The following IL1RAPL2 variants were observed in gnomAD, a reference collection of about 807,000 sequenced individuals.
IL1RAPL2 encodes the protein X-linked interleukin-1 receptor accessory protein-like 2.
In IL1RAPL2, 3 loss-of-function variants were observed where a neutral mutation model predicts 44.1. The observed-to-expected ratio is 0.07, with a 90% confidence interval of 0.03 to 0.18. IL1RAPL2 has a LOEUF of 0.18. Among genes scored for constraint, IL1RAPL2 ranks in the 10% least tolerant of loss-of-function variants. The pLI is 1.00. For synonymous variants in IL1RAPL2, 181 were observed against 178.8 expected (o/e 1.01, Z -0.10); for missense variants, 391 against 496.4 (o/e 0.79, Z 2.02).
intron 5 of IL1RAPL2, among the ~76,000 whole-genome samples, chrX:105,377,947 A>C (rs764133760): frequency 8.9e-6 from 1 of 111,911 alleles, no homozygotes; most frequent in Non-Finnish European, 1.9e-5. Context: ...AATGACTATA[A>C]AAAGTAAGCA....
chrX:105,705,348 TG>T (rs1422275839), intron 6 of IL1RAPL2, among the ~76,000 whole-genome samples: 1 of 111,609 alleles, frequency 9.0e-6, no homozygotes, highest in Non-Finnish European at 1.9e-5. Context: ...AGGAATTTGT[TG>T]TACAGTTTGT....
intron 5 of IL1RAPL2, among the ~76,000 whole-genome samples, chrX:105,308,076 A>C (rs766289311): frequency 9.0e-6 from 1 of 110,900 alleles, no homozygotes; most frequent in Admixed American, 9.7e-5. Context: ...GAACAGGGTG[A>C]AATTTATCTG....
intron 2 of IL1RAPL2, among the ~76,000 whole-genome samples, chrX:104,987,189 G>A (rs1231053461): frequency 9.0e-6 from 1 of 111,397 alleles, no homozygotes; most frequent in African/African-American, 3.3e-5. Flanking sequence ...GTCTCAGCCT[G>A]TGTGCAAATA....
intron 5 of IL1RAPL2, among the ~76,000 whole-genome samples, chrX:105,353,800 T>C (rs2035177668): frequency 8.9e-6 from 1 of 111,788 alleles, no homozygotes; most frequent in Non-Finnish European, 1.9e-5. Context: ...GAGACTTTAC[T>C]GAAGTTGCCT....
At chrX:105,319,944 GTTA>G (rs2034884855) in intron 5 of IL1RAPL2, among the ~76,000 whole-genome samples, 2 of 111,295 alleles carry the variant, frequency 1.8e-5, no homozygotes, top group African/African-American at 6.5e-5. Flanking sequence ...TGACTTACGA[GTTA>G]TTTTCTCAAA....
chrX:105,293,215 A>G (rs1420412849), intron 5 of IL1RAPL2, among the ~76,000 whole-genome samples: 6 of 110,309 alleles, frequency 5.4e-5, no homozygotes, highest in Admixed American at 2.9e-4. Flanking sequence ...TATTTTCTCT[A>G]TCATTCTATT....
chrX:105,587,121 C>A (rs772957471), intron 6 of IL1RAPL2, among the ~76,000 whole-genome samples: 1 of 111,883 alleles, frequency 8.9e-6, no homozygotes, highest in African/African-American at 3.2e-5. Flanking sequence ...GTATTTAAGG[C>A]AGGAAGTTAA....
intron 1 of IL1RAPL2, among the ~76,000 whole-genome samples, chrX:104,611,270 C>T (rs1006981622): frequency 9.0e-6 from 1 of 111,263 alleles, no homozygotes; most frequent in African/African-American, 3.3e-5. Flanking sequence ...AGCACCTTCC[C>T]CCAGGTGCTC....
At chrX:104,594,840 A>AG (rs1174656251) in intron 1 of IL1RAPL2, among the ~76,000 whole-genome samples, 1 of 111,413 alleles carries the variant, frequency 9.0e-6, no homozygotes, top group Non-Finnish European at 1.9e-5. Flanking sequence ...AAGGGACAGT[A>AG]GGTGCAAAGC....
At position 105,156,911 on chromosome X, in the gene IL1RAPL2, CTG is replaced by C. The variant is rs201944121; in HGVS notation, c.83-38562_83-38561del. On this transcript the variant is annotated intron_variant, in intron 2 of 10. Transcript: ENST00000372582. The stretch of plus-strand genomic sequence containing the variant: ...TGACAGTAATTCCCATTAAAGGAAA[CTG>C]TTGCAGGACTCTCTCTCCTATGACT... Among the ~76,000 whole-genome samples the C allele has an allele frequency of 4.6e-4, 51 of 110,601 alleles. 2 individuals are homozygous for C. In the East Asian group the frequency reaches 0.014, roughly 30 times the overall value.
chrX:105,580,253 G>A (rs1041419475), intron 6 of IL1RAPL2, among the ~76,000 whole-genome samples: 4 of 110,630 alleles, frequency 3.6e-5, no homozygotes, highest in Admixed American at 1.9e-4. Flanking sequence ...GGCAGCCTCC[G>A]TTATATATAA....
intron 5 of IL1RAPL2, among the ~76,000 whole-genome samples, chrX:105,403,051 C>T (rs1196276997): frequency 9.0e-6 from 1 of 111,578 alleles, no homozygotes; most frequent in Non-Finnish European, 1.9e-5. Context: ...AGAATGGAAC[C>T]ATTGTGTGGT....
Position 104,693,515 on chromosome X carries a change from G to A in IL1RAPL2, c.82+34520G>A, listed in dbSNP as rs141446705. ...TTGTCAAGCACTGGCCAGTACTCAG[G>A]GGTTTGCTGCATGATGGGTCACCTT... is the stretch of plus-strand genomic sequence containing the variant. On this transcript the variant is annotated intron_variant, in intron 2 of 10. Transcript: ENST00000372582. Among the ~76,000 whole-genome samples, 425 of 111,670 alleles carry A rather than the reference G, an allele frequency of 3.8e-3. 4 individuals carry two copies. The highest frequency in any genetic ancestry group is 0.013 in the African/African-American group (400 of 30,799).
chrX:104,990,499 G>GCTT (rs756163483), intron 2 of IL1RAPL2, among the ~76,000 whole-genome samples: 1 of 110,809 alleles, frequency 9.0e-6, no homozygotes, highest in African/African-American at 3.3e-5. Context: ...CTACATTCAT[G>GCTT]CTTCTTCTTC....
intron 2 of IL1RAPL2, among the ~76,000 whole-genome samples, chrX:105,183,078 T>G (rs1232510432): frequency 1.8e-5 from 2 of 110,607 alleles, no homozygotes; most frequent in Non-Finnish European, 3.8e-5. Flanking sequence ...GAGGGTGGTG[T>G]TTCAGACTGG....
intron 2 of IL1RAPL2, among the ~76,000 whole-genome samples, chrX:105,110,238 T>C (rs73527993): frequency 0.069 from 7,767 of 111,951 alleles, 689 homozygotes; most frequent in African/African-American, 0.24. Context: ...AGCTGTGAGA[T>C]ATAGTTTCTG....
rs185426543 is a variant in IL1RAPL2 at position 104,671,959 on chromosome X, T to C, written c.82+12964T>C. On this transcript the variant is annotated intron_variant, in intron 2 of 10. Transcript: ENST00000372582. ...GCAGAGCCCACATTCACATAGACTT[T>C]ATAGTTTATAATGAGATTTTAATGT... 1.9e-4 allele frequency among the ~76,000 whole-genome samples: 21 copies of C among 111,484 alleles called. No homozygotes were observed. In the East Asian group the frequency reaches 6.0e-3, roughly 32 times the overall value.
At chrX:104,569,853 T>C (rs1928111669) in intron 1 of IL1RAPL2, among the ~76,000 whole-genome samples, 1 of 112,382 alleles carries the variant, frequency 8.9e-6, no homozygotes, top group South Asian at 3.7e-4. Context: ...AATAAAATCA[T>C]CACGATGTGA....
chrX:105,270,058 T>A (rs777688557), intron 5 of IL1RAPL2, among the ~76,000 whole-genome samples: 140 of 111,856 alleles, frequency 1.3e-3, no homozygotes, highest in African/African-American at 4.3e-3. Flanking sequence ...TGCATCAGAA[T>A]CATGTAAAGG....
Sources: gnomAD v4.1 joint callset for allele counts (sites outside exome capture counted in the v4.1 genomes callset) on GRCh38, gnomAD v4.1.1 for gene constraint, MANE v1.5 for transcripts, NCBI Gene and HGNC (gene_info 2026-07-23, HGNC 2026-07-21) for gene names.